Variants in CACNA2D3 observed in about 807,000 individuals in gnomAD.
The protein encoded by CACNA2D3 is calcium voltage-gated channel auxiliary subunit alpha2delta 3.
CACNA2D3 carries 60 observed loss-of-function variants against 160.6 expected under a neutral mutation model. That is an observed-to-expected ratio of 0.37 (90% confidence interval 0.30 to 0.46). The LOEUF is 0.46. Among genes scored for constraint, CACNA2D3 ranks in the 20% least tolerant of loss-of-function variants. The pLI is 1.00. For missense variants in CACNA2D3, 1,205 were observed against 1,365.0 expected (o/e 0.88, Z 1.85); for synonymous variants, 558 against 492.9 (o/e 1.13, Z -1.75).
chr3:54,928,196 C>T (rs991876567), intron 27 of CACNA2D3: 1 of 453,930 alleles, frequency 2.2e-6, no homozygotes, highest in African/African-American at 2.0e-5. Flanking sequence ...CAGGATCATC[C>T]CTGCCTTTCC....
At chr3:54,794,369 C>A (rs1390941319) in intron 13 of CACNA2D3, among the ~76,000 whole-genome samples, 1 of 152,088 alleles carries the variant, frequency 6.6e-6, no homozygotes, top group Non-Finnish European at 1.5e-5. Context: ...TATTAAGATA[C>A]TTTTTACTTC....
intron 9 of CACNA2D3, among the ~76,000 whole-genome samples, chr3:54,616,740 G>A (rs1157036290): frequency 6.6e-6 from 1 of 152,216 alleles, no homozygotes; most frequent in Non-Finnish European, 1.5e-5. Flanking sequence ...GAGACCAAAT[G>A]CTTGGATATA....
At chr3:54,733,550 G>A (rs181967455) in intron 11 of CACNA2D3, among the ~76,000 whole-genome samples, 1 of 152,126 alleles carries the variant, frequency 6.6e-6, no homozygotes, top group Admixed American at 6.5e-5. Flanking sequence ...CTCCTGTAAC[G>A]AGAGTGGATG....
rs80322348 is a variant in CACNA2D3, at chr3:54,495,044, G to A, written c.382-8448G>A. ...GGGACATAGAGCCAAACCATATCAG[G>A]TGCTGTGGGAAGAAGTGCTGCTGAC... is the stretch of plus-strand genomic sequence containing the variant. On this transcript the variant is annotated intron_variant, in intron 4 of 37. Coordinates refer to ENST00000474759, the MANE Select transcript of CACNA2D3 (RefSeq NM_018398.3). Among the ~76,000 whole-genome samples the A allele has an allele frequency of 3.6e-3, 546 of 152,294 alleles. 7 individuals are homozygous for A. The highest frequency in any genetic ancestry group is 0.012 in the African/African-American group (515 of 41,562).
intron 27 of CACNA2D3, among the ~76,000 whole-genome samples, chr3:54,920,920 G>A (rs549528624): frequency 6.6e-6 from 1 of 152,278 alleles, no homozygotes; most frequent in South Asian, 2.1e-4. Flanking sequence ...TCTGGACCCA[G>A]AGCCAAGGAA....
intron 8 of CACNA2D3, 38 bp from the exon 9 acceptor site, chr3:54,581,765 T>G (rs778396514): frequency 6.5e-7 from 1 of 1,534,990 alleles, no homozygotes; most frequent in Non-Finnish European, 9.0e-7. Context: ...CTTCAATTCC[T>G]TAATTAAGTG....
chr3:54,221,296 G>A (rs907428344), intron 2 of CACNA2D3, among the ~76,000 whole-genome samples: 2 of 152,180 alleles, frequency 1.3e-5, no homozygotes, highest in African/African-American at 2.4e-5. Context: ...GAATGGTACC[G>A]TCATGACTAA....
intron 14 of CACNA2D3, among the ~76,000 whole-genome samples, chr3:54,833,184 G>A (rs932129598): frequency 1.3e-5 from 2 of 152,118 alleles, no homozygotes; most frequent in Non-Finnish European, 2.9e-5. Context: ...ATACCCAAAT[G>A]GTCCCCATTA....
chr3:54,778,426 A>G (rs1194518001), intron 13 of CACNA2D3, among the ~76,000 whole-genome samples: 2 of 151,226 alleles, frequency 1.3e-5, no homozygotes, highest in Non-Finnish European at 1.5e-5. Flanking sequence ...CTCTGCAGGA[A>G]GTGATCTCTT....
At chr3:54,204,822 A>G (rs1205611252) in intron 2 of CACNA2D3, among the ~76,000 whole-genome samples, 14 of 146,636 alleles carry the variant, frequency 9.5e-5, no homozygotes, top group Non-Finnish European at 2.0e-4. Context: ...AAAAAAAAAG[A>G]AAAAGCAAAA....
At chr3:54,361,176 GTT>G (rs1303760485) in intron 3 of CACNA2D3, among the ~76,000 whole-genome samples, 2 of 151,496 alleles carry the variant, frequency 1.3e-5, no homozygotes, top group African/African-American at 2.4e-5. Context: ...TTTATGGAAG[GTT>G]AAGTACCAAG....
At chr3:54,904,727 G>C (rs1441659266) in intron 27 of CACNA2D3, among the ~76,000 whole-genome samples, 4 of 152,160 alleles carry the variant, frequency 2.6e-5, no homozygotes, top group Admixed American at 6.5e-5. Context: ...ATAAATACAT[G>C]ATTCAAGGAA....
intron 4 of CACNA2D3, among the ~76,000 whole-genome samples, chr3:54,460,695 T>C (rs1700486941): frequency 2.6e-5 from 4 of 152,324 alleles, no homozygotes; most frequent in Admixed American, 2.6e-4. Context: ...TGGGGTTTTC[T>C]AGATATACAA....
intron 31 of CACNA2D3, among the ~76,000 whole-genome samples, chr3:55,002,361 C>T (rs1362161978): frequency 6.6e-6 from 1 of 152,202 alleles, no homozygotes; most frequent in African/African-American, 2.4e-5. Context: ...AATACCAATT[C>T]TTGCCAAATG....
intron 10 of CACNA2D3, chr3:54,638,058 A>G (rs618669): frequency 0.46 from 70,365 of 151,792 alleles, 17,745 homozygotes; most frequent in East Asian, 0.71. Flanking sequence ...GAGGCAAGGA[A>G]TTGCAACTTT....
At chr3:54,364,543 C>T (rs1291931664) in intron 3 of CACNA2D3, among the ~76,000 whole-genome samples, 2 of 152,154 alleles carry the variant, frequency 1.3e-5, no homozygotes, top group African/African-American at 4.8e-5. Context: ...GATTTCCTTT[C>T]CTCTTAACAC....
chr3:54,565,060 G>A (rs969966292), intron 6 of CACNA2D3, among the ~76,000 whole-genome samples: 39 of 152,174 alleles, frequency 2.6e-4, no homozygotes, highest in Non-Finnish European at 1.2e-4. Context: ...TCCAGGGGAG[G>A]AGACAGCATC....
chr3:54,673,948 C>T (rs1700199139), intron 11 of CACNA2D3, among the ~76,000 whole-genome samples: 1 of 152,210 alleles, frequency 6.6e-6, no homozygotes, highest in Non-Finnish European at 1.5e-5. Flanking sequence ...TGTCTCTAGA[C>T]TTAAACCGCC....
chr3:54,864,324 A>T (rs1166826690), intron 17 of CACNA2D3, among the ~76,000 whole-genome samples: 1 of 150,606 alleles, frequency 6.6e-6, no homozygotes, highest in Non-Finnish European at 1.5e-5. Flanking sequence ...CCCAGGCTGG[A>T]GTGCGGTGGC....
Sources: gnomAD v4.1 joint callset for allele counts (sites outside exome capture counted in the v4.1 genomes callset) on GRCh38, gnomAD v4.1.1 for gene constraint, MANE v1.5 for transcripts, NCBI Gene and HGNC (gene_info 2026-07-23, HGNC 2026-07-21) for gene names.